Variants in KAT6A observed in about 807,000 individuals in gnomAD.
KAT6A encodes the protein lysine acetyltransferase 6A.
A neutral mutation model predicts 198.4 loss-of-function variants in KAT6A; 9 were observed. That is an observed-to-expected ratio of 0.05 (90% CI 0.03 to 0.08). KAT6A has a LOEUF of 0.08. Among genes scored for constraint, KAT6A ranks in the 10% least tolerant of loss-of-function variants. The pLI, the probability that KAT6A is intolerant of heterozygous loss-of-function variation, is 1.00. For missense variants in KAT6A, 2,077 were observed against 2,509.9 expected (o/e 0.83, Z 3.69); for synonymous variants, 890 against 883.0 (o/e 1.01, Z -0.14).
intron 2 of KAT6A, among the ~76,000 whole-genome samples, chr8:41,989,230 C>T (rs747806691): frequency 4.6e-5 from 7 of 152,054 alleles, no homozygotes; most frequent in Non-Finnish European, 7.4e-5. Flanking sequence ...CTTATGTAGC[C>T]GGGCACAGTG....
At chr8:41,972,507 C>A (rs1397876551) in intron 8 of KAT6A, among the ~76,000 whole-genome samples, 1 of 152,154 alleles carries the variant, frequency 6.6e-6, no homozygotes, top group Non-Finnish European at 1.5e-5. Flanking sequence ...ATATTACATG[C>A]CTTCTGATGT....
rs767477869 is a variant in KAT6A at position 41,955,458 on chromosome 8, C to G, written c.1483-47G>C. ...TCAAAAGTTAGCTAAATTAGACACA[C>G]TGAGATAACAAAGAAAGTTCTGAAT... On this transcript the variant is annotated intron_variant, in intron 8 of 16. Coordinates refer to ENST00000265713, the MANE Select transcript of KAT6A (RefSeq NM_006766.5). 7.6e-6 allele frequency: 9 copies of G among 1,177,432 alleles called. 1 individual carries two copies. The South Asian group carries it at 1.1e-4, about 15-fold the overall frequency. The allele number at this position is 1,177,432 out of a possible 1,614,324, so 72.9% of individuals were successfully genotyped here.
At chr8:42,032,830 A>T (rs1827192107) in intron 2 of KAT6A, among the ~76,000 whole-genome samples, 1 of 142,806 alleles carries the variant, frequency 7.0e-6, no homozygotes, top group Non-Finnish European at 1.5e-5. Context: ...CTTCCTAATG[A>T]TATGCTTTCT....
intron 2 of KAT6A, among the ~76,000 whole-genome samples, chr8:42,008,550 G>T (rs1290437589): frequency 6.6e-6 from 1 of 152,058 alleles, no homozygotes; most frequent in African/African-American, 2.4e-5. Context: ...CGTTGCCCAG[G>T]CTGGTCTCGA....
chr8:41,997,526 A>G (rs1370679336), intron 2 of KAT6A, among the ~76,000 whole-genome samples: 1 of 152,244 alleles, frequency 6.6e-6, no homozygotes, highest in African/African-American at 2.4e-5. Context: ...ATCCAATTGC[A>G]TAAAAACAAC....
intron 15 of KAT6A, among the ~76,000 whole-genome samples, chr8:41,940,308 A>G (rs980646131): frequency 5.9e-5 from 9 of 152,246 alleles, no homozygotes; most frequent in African/African-American, 1.9e-4. Context: ...AAGAGAGACC[A>G]CGTTAAACCA....
At chr8:42,023,865 A>C (rs1036759391) in intron 2 of KAT6A, among the ~76,000 whole-genome samples, 1 of 152,108 alleles carries the variant, frequency 6.6e-6, no homozygotes, top group Admixed American at 6.5e-5. Context: ...CTTTTTGTTA[A>C]GCATTAAAAA....
At chr8:42,051,008 T>C (rs994307029) in intron 1 of KAT6A, among the ~76,000 whole-genome samples, 5 of 152,082 alleles carry the variant, frequency 3.3e-5, no homozygotes, top group Non-Finnish European at 4.4e-5. Context: ...GCGAGAAACT[T>C]TAAAAACTTG....
chr8:42,033,117 C>T (rs1335356464), intron 2 of KAT6A, among the ~76,000 whole-genome samples: 1 of 152,008 alleles, frequency 6.6e-6, no homozygotes, highest in Non-Finnish European at 1.5e-5. Flanking sequence ...TCATGATCTG[C>T]CTGTCTCGGC....
chr8:41,944,269 C>T (rs566962206), intron 12 of KAT6A, among the ~76,000 whole-genome samples: 7 of 152,200 alleles, frequency 4.6e-5, no homozygotes, highest in Admixed American at 3.3e-4. Flanking sequence ...TTAACAGTTT[C>T]GTTCAACGTC....
intron 7 of KAT6A, among the ~76,000 whole-genome samples, chr8:41,975,939 T>C (rs1221221756): frequency 6.6e-6 from 1 of 152,244 alleles, no homozygotes; most frequent in Non-Finnish European, 1.5e-5. Flanking sequence ...TCTAAACGGA[T>C]TGCATATTTT....
At chr8:41,985,248 C>A (rs1238550397) in intron 3 of KAT6A, among the ~76,000 whole-genome samples, 3 of 152,094 alleles carry the variant, frequency 2.0e-5, no homozygotes. Flanking sequence ...TCATGATTTA[C>A]GGTTTATATT....
intron 8 of KAT6A, among the ~76,000 whole-genome samples, chr8:41,972,667 G>T (rs1269085969): frequency 6.6e-6 from 1 of 152,156 alleles, no homozygotes; most frequent in African/African-American, 2.4e-5. Context: ...GTTCCCAATT[G>T]GAAGGAGACT....
In KAT6A at chr8:41,934,193, C is replaced by T; in HGVS notation, c.4027G>A (p.Glu1343Lys). 6.2e-7 allele frequency: 1 copy of T among 1,614,204 alleles called. No individual in the cohort carries two copies. Among genetic ancestry groups the T allele is most frequent in the Non-Finnish European group, 8.5e-7 (1 of 1,180,044 alleles). Residue 1343 changes from glutamate (E) to lysine (K), a missense_variant, in exon 17 of 17, where the codon GAG becomes AAG. By Grantham distance (56) the Glu-to-Lys change is moderately conservative (BLOSUM62 1). Coordinates refer to ENST00000265713, the MANE Select transcript of KAT6A (RefSeq NM_006766.5). ...AAAGACTCTTGAACACCAGGCTCCT[C>T]CTTGACATCTTCCCTCGTGGGCTGT... ...EEQPTREDVK[E>K]EPGVQESFLD... is the part of the protein sequence containing the mutation.
intron 2 of KAT6A, among the ~76,000 whole-genome samples, chr8:41,995,521 C>T (rs1009783018): frequency 2.0e-5 from 3 of 152,128 alleles, no homozygotes; most frequent in Non-Finnish European, 4.4e-5. Flanking sequence ...AAAACAGGAA[C>T]AGTAAAAATT....
At chr8:41,951,193 A>G (rs1587732737) in intron 9 of KAT6A, among the ~76,000 whole-genome samples, 1 of 151,990 alleles carries the variant, frequency 6.6e-6, no homozygotes, top group East Asian at 1.9e-4. Context: ...ACAAAACTTT[A>G]GTGAACCTTA....
chr8:41,971,584 C>G (rs1029062691), intron 8 of KAT6A, among the ~76,000 whole-genome samples: 4 of 149,000 alleles, frequency 2.7e-5, no homozygotes, highest in Non-Finnish European at 5.9e-5. Context: ...AAATCATATA[C>G]AGCCTTGGAG....
intron 3 of KAT6A, among the ~76,000 whole-genome samples, chr8:41,986,253 T>G (rs1177142757): frequency 6.6e-6 from 1 of 152,224 alleles, no homozygotes; most frequent in Non-Finnish European, 1.5e-5. Context: ...TTGTGAGTTC[T>G]TGAAATGTAG....
At chr8:42,020,130 G>C (rs918760308) in intron 2 of KAT6A, among the ~76,000 whole-genome samples, 1 of 152,002 alleles carries the variant, frequency 6.6e-6, no homozygotes, top group African/African-American at 2.4e-5. Flanking sequence ...TGCCAATCTA[G>C]AACTATAGCC....
Sources: gnomAD v4.1 joint callset for allele counts (sites outside exome capture counted in the v4.1 genomes callset) on GRCh38, gnomAD v4.1.1 for gene constraint, MANE v1.5 for transcripts, NCBI Gene and HGNC (gene_info 2026-07-23, HGNC 2026-07-21) for gene names.